KIF16B: variants seen among roughly 807,000 people sequenced by gnomAD.
KIF16B encodes kinesin family member 16B, also known as kinesin-like protein KIF16B.
Under a neutral mutation model 156.3 loss-of-function variants are expected in KIF16B, and 98 were observed. That is an observed-to-expected ratio of 0.63 (90% CI 0.53 to 0.74). The LOEUF (loss-of-function observed/expected upper bound fraction) is 0.74. KIF16B is among the 30% of genes least tolerant of loss of function. KIF16B has a pLI of 0.00. For missense variants in KIF16B, 1,421 were observed against 1,606.5 expected, an observed-to-expected ratio of 0.88 and a Z score of 1.97; for synonymous variants, 564 against 583.7, an observed-to-expected ratio of 0.97 and a Z score of 0.49.
chr20:16,506,488 G>C (rs2068782440), intron 7 of KIF16B, among the ~76,000 whole-genome samples: 1 of 152,196 alleles, frequency 6.6e-6, no homozygotes, highest in Non-Finnish European at 1.5e-5. Flanking sequence ...GCACTCAGCA[G>C]AGAAATGTAA....
At chr20:16,296,571 T>C (rs2063389645) in intron 25 of KIF16B, among the ~76,000 whole-genome samples, 3 of 152,208 alleles carry the variant, frequency 2.0e-5, no homozygotes, top group Admixed American at 2.0e-4. Flanking sequence ...GTTATGTATT[T>C]GCCAAGCCTC....
intron 25 of KIF16B, among the ~76,000 whole-genome samples, chr20:16,278,728 C>T (rs531233644): frequency 1.2e-4 from 18 of 152,290 alleles, no homozygotes; most frequent in African/African-American, 3.9e-4. Flanking sequence ...GGCCAGAAGA[C>T]ACGAGCAGAA....
intron 22 of KIF16B, chr20:16,367,074 T>G (rs1353323845): frequency 4.8e-6 from 7 of 1,461,512 alleles, no homozygotes; most frequent in Middle Eastern, 2.0e-4. Context: ...CATATTGCCT[T>G]GACTGTTTTC....
At chr20:16,305,300 A>G (rs1415022689) in intron 25 of KIF16B, among the ~76,000 whole-genome samples, 1 of 152,166 alleles carries the variant, frequency 6.6e-6, no homozygotes, top group East Asian at 1.9e-4. Flanking sequence ...AAAAAAAAAG[A>G]CCACTCCATA....
At chr20:16,281,647 C>T (rs2063147992) in intron 25 of KIF16B, among the ~76,000 whole-genome samples, 1 of 152,168 alleles carries the variant, frequency 6.6e-6, no homozygotes, top group Admixed American at 6.5e-5. Context: ...CAAATGTGCT[C>T]CACACTCCAA....
At chr20:16,516,496 T>C (rs952088822) in intron 3 of KIF16B, among the ~76,000 whole-genome samples, 1 of 152,154 alleles carries the variant, frequency 6.6e-6, no homozygotes, top group Non-Finnish European at 1.5e-5. Context: ...CCCAGCACAC[T>C]AAGGGCACAT....
chr20:16,425,842 T>C (rs543401932), intron 15 of KIF16B, among the ~76,000 whole-genome samples: 1 of 152,230 alleles, frequency 6.6e-6, no homozygotes, highest in East Asian at 1.9e-4. Flanking sequence ...TGAGACTATG[T>C]AATTTATGGA....
At chr20:16,501,347 T>C (rs1270264780) in intron 10 of KIF16B, among the ~76,000 whole-genome samples, 2 of 146,440 alleles carry the variant, frequency 1.4e-5, no homozygotes, top group African/African-American at 5.2e-5. Flanking sequence ...ATACCAAGAA[T>C]TGAATTCTTG....
chr20:16,336,568 C>T (rs1469247294), intron 23 of KIF16B, among the ~76,000 whole-genome samples: 5 of 152,134 alleles, frequency 3.3e-5, no homozygotes, highest in African/African-American at 4.8e-5. Context: ...ATTCCTTTCT[C>T]CACTTCCCAC....
At chr20:16,338,471 T>C (rs1363939843) in intron 23 of KIF16B, among the ~76,000 whole-genome samples, 2 of 152,188 alleles carry the variant, frequency 1.3e-5, no homozygotes, top group African/African-American at 2.4e-5. Flanking sequence ...ATCTCCTGCA[T>C]GATTCTTGGT....
intron 12 of KIF16B, among the ~76,000 whole-genome samples, chr20:16,476,009 C>T (rs963107887): frequency 3.9e-5 from 6 of 152,228 alleles, no homozygotes; most frequent in African/African-American, 1.4e-4. Context: ...ATCTCTCACA[C>T]AGATTCTGCA....
intron 23 of KIF16B, among the ~76,000 whole-genome samples, chr20:16,348,288 GAGTA>G (rs1436757664): frequency 6.6e-6 from 1 of 152,236 alleles, no homozygotes; most frequent in Non-Finnish European, 1.5e-5. Flanking sequence ...ACATTAAAAT[GAGTA>G]AGTAAGGGAA....
chr20:16,512,809 C>G lies in KIF16B; in HGVS notation c.446+17G>C. Reference sequence around the variant, plus strand: ...CTAATCAAGCTCACACACAGTTACCCAGGCCACAGGCCCTACCTGACTTCA... The same window carrying G: ...CTAATCAAGCTCACACACAGTTACCGAGGCCACAGGCCCTACCTGACTTCA... On this transcript the variant is annotated intron_variant, in intron 5 of 25. Transcript: ENST00000354981. 1 of 1,580,688 alleles carries G rather than the reference C, an allele frequency of 6.3e-7. No homozygotes were observed. Among genetic ancestry groups the G allele is most frequent in the Non-Finnish European group, 8.7e-7 (1 of 1,149,610 alleles).
At chr20:16,447,807 C>T (rs367790665) in intron 12 of KIF16B, among the ~76,000 whole-genome samples, 65 of 152,128 alleles carry the variant, frequency 4.3e-4, no homozygotes, top group African/African-American at 1.5e-3. Flanking sequence ...GGAGTTTTAT[C>T]GATAAAACCA....
intron 25 of KIF16B, among the ~76,000 whole-genome samples, chr20:16,279,971 C>T (rs1022538085): frequency 1.3e-5 from 2 of 152,138 alleles, no homozygotes; most frequent in African/African-American, 4.8e-5. Flanking sequence ...TTAGTTTATG[C>T]ATCAGGAAAA....
At chr20:16,467,117 A>G (rs2067513345) in intron 12 of KIF16B, among the ~76,000 whole-genome samples, 1 of 152,228 alleles carries the variant, frequency 6.6e-6, no homozygotes, top group South Asian at 2.1e-4. Context: ...ATTACATCAG[A>G]GCCCAACCTA....
chr20:16,447,341 C>T (rs1394047814), intron 12 of KIF16B, among the ~76,000 whole-genome samples: 5 of 151,502 alleles, frequency 3.3e-5, no homozygotes, highest in Admixed American at 2.6e-4. Context: ...CTTTCTTGAA[C>T]TAAGATCACA....
intron 24 of KIF16B, among the ~76,000 whole-genome samples, chr20:16,324,654 C>A (rs1324223577): frequency 2.6e-5 from 4 of 151,964 alleles, no homozygotes; most frequent in Non-Finnish European, 5.9e-5. Flanking sequence ...CACTGGAAAT[C>A]ATCTTTTAGA....
chr20:16,507,831 GAAAAT>G, intron 7 of KIF16B, 122 bp downstream of exon 7: 1 of 969,648 alleles, frequency 1.0e-6, no homozygotes, highest in Non-Finnish European at 1.6e-6. Flanking sequence ...TAATTAACAA[GAAAAT>G]GACAGTCAGT....
Sources: allele counts gnomAD v4.1 joint callset (sites outside exome capture counted in the v4.1 genomes callset), GRCh38; gene constraint gnomAD v4.1.1; transcripts MANE v1.5; gene names NCBI Gene and HGNC (gene_info 2026-07-23, HGNC 2026-07-21).